KIAA0825: variants seen among roughly 807,000 people sequenced by gnomAD.
The protein encoded by KIAA0825 is uncharacterized protein KIAA0825.
A neutral mutation model predicts 147.6 loss-of-function variants in KIAA0825; 119 were observed. That is an observed-to-expected ratio of 0.81 (90% CI 0.69 to 0.94). The LOEUF (loss-of-function observed/expected upper bound fraction) is 0.94. Ranked by LOEUF, KIAA0825 falls within the 40% of genes least tolerant of loss-of-function variation. The probability of loss-of-function intolerance (pLI) is 0.00; values close to 1 mark genes in which losing one functional copy is unlikely to be tolerated. For missense variants in KIAA0825, 1,381 were observed against 1,472.7 expected (o/e 0.94, Z 1.02); for synonymous variants, 470 against 518.1 (o/e 0.91, Z 1.26).
At chr5:94,531,544 T>C (rs915737426) in intron 3 of KIAA0825, among the ~76,000 whole-genome samples, 6 of 152,200 alleles carry the variant, frequency 3.9e-5, no homozygotes, top group Non-Finnish European at 4.4e-5. Flanking sequence ...GGATGCTGTC[T>C]GCCCAGGATG....
intron 20 of KIAA0825, among the ~76,000 whole-genome samples, chr5:94,369,344 T>C (rs570697882): frequency 2.0e-5 from 3 of 152,238 alleles, no homozygotes; most frequent in Admixed American, 6.5e-5. Flanking sequence ...TTAGCTAGCA[T>C]AGAATTTTTA....
intron 16 of KIAA0825, among the ~76,000 whole-genome samples, chr5:94,402,245 A>G (rs1170898287): frequency 1.3e-5 from 2 of 152,170 alleles, no homozygotes; most frequent in African/African-American, 4.8e-5. Flanking sequence ...AGGAATTCCA[A>G]AGTGCTTAGA....
chr5:94,449,983 G>A (rs1758196578), intron 13 of KIAA0825, among the ~76,000 whole-genome samples: 1 of 151,946 alleles, frequency 6.6e-6, no homozygotes, highest in Non-Finnish European at 1.5e-5. Flanking sequence ...GGGAGGCTGA[G>A]GCAGGAGAAT....
At chr5:94,590,384 T>C (rs749192443) in intron 1 of KIAA0825, among the ~76,000 whole-genome samples, 1 of 152,146 alleles carries the variant, frequency 6.6e-6, no homozygotes, top group South Asian at 2.1e-4. Flanking sequence ...TTACTAACAT[T>C]CATTATCCCA....
chr5:94,383,612 T>A (rs1472340014), intron 20 of KIAA0825, among the ~76,000 whole-genome samples: 1 of 152,202 alleles, frequency 6.6e-6, no homozygotes, highest in Non-Finnish European at 1.5e-5. Flanking sequence ...TGTATTATAC[T>A]TGATTAAAAA....
At chr5:94,610,764 C>CA (rs756579848) in intron 1 of KIAA0825, among the ~76,000 whole-genome samples, 545 of 20,798 alleles carry the variant, frequency 0.026, 67 homozygotes, top group African/African-American at 0.029. Context: ...ACTCTATCTG[C>CA]AAAAAAAAAA....
At chr5:94,508,284 CAGG>C (rs957814172) in intron 5 of KIAA0825, among the ~76,000 whole-genome samples, 5 of 152,142 alleles carry the variant, frequency 3.3e-5, no homozygotes, top group South Asian at 2.1e-4. Context: ...CAAATGGTGC[CAGG>C]AGTTTTCTAT....
At chr5:94,430,134 G>C (rs1411107158) in intron 14 of KIAA0825, among the ~76,000 whole-genome samples, 5 of 152,136 alleles carry the variant, frequency 3.3e-5, no homozygotes, top group Non-Finnish European at 7.3e-5. Context: ...ATCTGCCTGG[G>C]TGTATAGTAG....
intron 20 of KIAA0825, among the ~76,000 whole-genome samples, chr5:94,248,342 A>C (rs1775735001): frequency 6.6e-6 from 1 of 152,116 alleles, no homozygotes; most frequent in Non-Finnish European, 1.5e-5. Flanking sequence ...TTGTGTCCTG[A>C]TTTGACACAA....
intron 20 of KIAA0825, among the ~76,000 whole-genome samples, chr5:94,351,782 G>C (rs1783699336): frequency 6.6e-6 from 1 of 151,682 alleles, no homozygotes; most frequent in Non-Finnish European, 1.5e-5. Context: ...CAGAAATAAA[G>C]CCAACTGATT....
intron 2 of KIAA0825, among the ~76,000 whole-genome samples, chr5:94,538,294 G>T (rs1772509971): frequency 6.6e-6 from 1 of 152,208 alleles, no homozygotes; most frequent in Non-Finnish European, 1.5e-5. Context: ...GGAATATCAG[G>T]GAAGGTCTCT....
At chr5:94,228,068 A>G (rs1402871774) in intron 20 of KIAA0825, among the ~76,000 whole-genome samples, 1 of 152,230 alleles carries the variant, frequency 6.6e-6, no homozygotes, top group Non-Finnish European at 1.5e-5. Flanking sequence ...TAGTCCATCC[A>G]TGAAATAAAC....
chr5:94,529,730 A>G (rs1243945349), intron 3 of KIAA0825, among the ~76,000 whole-genome samples: 8 of 152,140 alleles, frequency 5.3e-5, no homozygotes, highest in Non-Finnish European at 1.2e-4. Flanking sequence ...TTTATAATGC[A>G]AAAATATTTA....
chr5:94,338,489 A>G (rs1447512199), intron 20 of KIAA0825, among the ~76,000 whole-genome samples: 2 of 152,144 alleles, frequency 1.3e-5, no homozygotes, highest in Non-Finnish European at 2.9e-5. Context: ...ACATAATGGT[A>G]TTTCAGTCAA....
chr5:94,330,972 T>C (rs1269524747), intron 20 of KIAA0825, among the ~76,000 whole-genome samples: 1 of 151,882 alleles, frequency 6.6e-6, no homozygotes, highest in Non-Finnish European at 1.5e-5. Flanking sequence ...CCATCTCTAC[T>C]AGAAATACAA....
chr5:94,205,299 A>ATATATTTTTG (rs1254935243), intron 20 of KIAA0825, among the ~76,000 whole-genome samples: 1 of 137,912 alleles, frequency 7.3e-6, no homozygotes, highest in African/African-American at 2.8e-5. Flanking sequence ...ATATATATAT[A>ATATATTTTTG]TTTTGTTTTG....
At chr5:94,503,032 G>T (rs1187400463) in intron 5 of KIAA0825, among the ~76,000 whole-genome samples, 2 of 149,710 alleles carry the variant, frequency 1.3e-5, no homozygotes, top group Non-Finnish European at 3.0e-5. Flanking sequence ...TCGATTGAAC[G>T]CAGGAGGCAG....
At position 94,417,620 on chromosome 5, in the gene KIAA0825, A is replaced by T. The variant is rs572391615; in HGVS notation, c.2498-255T>A. Reference sequence around the variant, plus strand: ...AAAAAAACCTGTGAGAAAGACCACAATAACACCACTTCAAAGGTCAACGCT... The same window carrying T: ...AAAAAAACCTGTGAGAAAGACCACATTAACACCACTTCAAAGGTCAACGCT... On this transcript the variant is annotated intron_variant, in intron 14 of 20. Transcript: ENST00000682413. Among the ~76,000 whole-genome samples the T allele has an allele frequency of 8.5e-4, 130 of 152,328 alleles. 2 individuals carry two copies. Among genetic ancestry groups the T allele is most frequent in the Admixed American group, 8.0e-3 (122 of 15,296 alleles).
At chr5:94,325,094 T>C (rs29953) in intron 20 of KIAA0825, among the ~76,000 whole-genome samples, 30,094 of 151,940 alleles carry the variant, frequency 0.2, 3,483 homozygotes, top group Middle Eastern at 0.26. Context: ...TTATGTTATA[T>C]GAAAACATTC....
Sources: gnomAD v4.1 joint callset for allele counts (sites outside exome capture counted in the v4.1 genomes callset) on GRCh38, gnomAD v4.1.1 for gene constraint, MANE v1.5 for transcripts, NCBI Gene and HGNC (gene_info 2026-07-23, HGNC 2026-07-21) for gene names.